TCF7L2: variants seen among roughly 807,000 people sequenced by gnomAD.
TCF7L2 encodes transcription factor 7 like 2.
A neutral mutation model predicts 77.9 loss-of-function variants in TCF7L2; 23 were observed. That is an observed-to-expected ratio of 0.30 (90% confidence interval 0.21 to 0.42). TCF7L2 has a LOEUF of 0.42. TCF7L2 is among the 10% of genes least tolerant of loss of function. The probability of loss-of-function intolerance (pLI) is 1.00; values close to 1 mark genes in which losing one functional copy is unlikely to be tolerated. For synonymous variants in TCF7L2, 413 were observed against 340.2 expected (o/e 1.21, Z -2.36); for missense variants, 654 against 793.1 (o/e 0.82, Z 2.11).
intron 11 of TCF7L2, among the ~76,000 whole-genome samples, chr10:113,156,115 CTTT>C (rs35516476): frequency 1.2e-3 from 149 of 120,700 alleles, no homozygotes; most frequent in African/African-American, 4.0e-3. Flanking sequence ...TTCTTTCTTT[CTTT>C]TTTTTTTTTT....
At chr10:113,115,972 C>G (rs1156716732) in intron 5 of TCF7L2, among the ~76,000 whole-genome samples, 3 of 152,082 alleles carry the variant, frequency 2.0e-5, no homozygotes, top group African/African-American at 7.2e-5. Flanking sequence ...AGCTCCTTAC[C>G]TGTCTTCTAA....
At chr10:113,150,681 A>C (rs141176338) in intron 8 of TCF7L2, among the ~76,000 whole-genome samples, 93 of 152,376 alleles carry the variant, frequency 6.1e-4, no homozygotes, top group Middle Eastern at 3.4e-3. Flanking sequence ...TCAAAAAACA[A>C]GTGGACGTGC....
At chr10:113,040,816 C>G (rs2052313221) in intron 5 of TCF7L2, among the ~76,000 whole-genome samples, 2 of 152,110 alleles carry the variant, frequency 1.3e-5, no homozygotes, top group Non-Finnish European at 2.9e-5. Flanking sequence ...ATAAATTAAC[C>G]TCTTGAGAAG....
chr10:113,082,117 TGTGAGCCACTACCA>T (rs1186500985), intron 5 of TCF7L2, among the ~76,000 whole-genome samples: 1 of 148,680 alleles, frequency 6.7e-6, no homozygotes, highest in African/African-American at 2.5e-5. Flanking sequence ...GGATTATAGG[TGTGAGCCACTACCA>T]TTTTTTTTTT....
chr10:112,998,716 G>T (rs1207137230), intron 4 of TCF7L2, among the ~76,000 whole-genome samples: 1 of 152,206 alleles, frequency 6.6e-6, no homozygotes, highest in Non-Finnish European at 1.5e-5. Flanking sequence ...CTGGACACAG[G>T]CCTGTGTGAC....
intron 5 of TCF7L2, among the ~76,000 whole-genome samples, chr10:113,050,305 C>T (rs2084392348): frequency 6.6e-6 from 1 of 152,132 alleles, no homozygotes; most frequent in Non-Finnish European, 1.5e-5. Flanking sequence ...AAACAGCAAG[C>T]ATTTGAAAAG....
intron 5 of TCF7L2, among the ~76,000 whole-genome samples, chr10:113,096,929 A>G (rs2061041812): frequency 6.6e-6 from 1 of 152,208 alleles, no homozygotes; most frequent in African/African-American, 2.4e-5. Context: ...GACTGACTGC[A>G]GGACATGGGA....
intron 13 of TCF7L2, among the ~76,000 whole-genome samples, chr10:113,164,461 G>C (rs58813683): frequency 1.3e-5 from 2 of 151,944 alleles, no homozygotes; most frequent in Non-Finnish European, 2.9e-5. Context: ...TTCGGTGACC[G>C]GCTTGTGCTG....
At position 113,165,589 on chromosome 10, in the gene TCF7L2, G is replaced by C; in HGVS notation, c.1426G>C (p.Glu476Gln). The C allele has an allele frequency of 6.2e-7, 1 of 1,613,984 alleles. No homozygotes were observed. The highest frequency in any genetic ancestry group is 8.5e-7 in the Non-Finnish European group (1 of 1,179,948). Residue 476 changes from glutamate (E) to glutamine (Q), a missense_variant, in exon 14 of 14, where the codon GAA becomes CAA. Physicochemically the swap from Glu to Gln is conservative, Grantham distance 29. This residue lies in a region of TCF7L2 where 272 missense variants were observed against 215.4 expected (regional missense o/e 1.26). Transcript: ENST00000627217. The stretch of plus-strand genomic sequence containing the variant: ...AAAGTGCGTTCGCTACATACAAGGT[G>C]AAGGCAGCTGCCTCAGCCCACCCTC...
intron 3 of TCF7L2, among the ~76,000 whole-genome samples, chr10:112,963,140 C>T (rs2035729740): frequency 1.3e-5 from 2 of 151,978 alleles, no homozygotes; most frequent in Non-Finnish European, 2.9e-5. Flanking sequence ...TTATTTGGAA[C>T]AGATAAAATG....
chr10:113,023,758 T>C (rs1354818233), intron 4 of TCF7L2, among the ~76,000 whole-genome samples: 1 of 151,976 alleles, frequency 6.6e-6, no homozygotes, highest in Non-Finnish European at 1.5e-5. Context: ...AAGCTCCACC[T>C]CCCGGGTTCA....
chr10:112,963,576 T>G (rs1207019987), intron 3 of TCF7L2, among the ~76,000 whole-genome samples: 1 of 152,234 alleles, frequency 6.6e-6, no homozygotes, highest in East Asian at 1.9e-4. Context: ...ATTTGGCAAA[T>G]TAAAATGCAT....
At chr10:113,119,649 A>G (rs903952916) in intron 5 of TCF7L2, among the ~76,000 whole-genome samples, 1 of 149,592 alleles carries the variant, frequency 6.7e-6, no homozygotes, top group Non-Finnish European at 1.5e-5. Flanking sequence ...GAAACATTTT[A>G]GCCATGGTGT....
rs557458288 is a variant in TCF7L2, at chr10:113,140,414, T to C, written c.553-770T>C. Among the ~76,000 whole-genome samples, 11 of 152,358 alleles carry C rather than the reference T, an allele frequency of 7.2e-5. No homozygotes were observed. The South Asian group carries it at 1.9e-3, about 26-fold the overall frequency. ...ACAAAAATGCCTGTACTTTGTTTTT[T>C]AGAACTGCCCATTTCTAAAATGCAT... On this transcript the variant is annotated intron_variant, in intron 5 of 13. Transcript: ENST00000627217.
chr10:113,059,044 G>T (rs2134802009), intron 5 of TCF7L2, among the ~76,000 whole-genome samples: 1 of 152,252 alleles, frequency 6.6e-6, no homozygotes, highest in East Asian at 1.9e-4. Flanking sequence ...GGGAGTGGGG[G>T]ATAAAAAGAG....
At chr10:113,070,411 T>C (rs1337194112) in intron 5 of TCF7L2, among the ~76,000 whole-genome samples, 1 of 151,972 alleles carries the variant, frequency 6.6e-6, no homozygotes, top group Non-Finnish European at 1.5e-5. Flanking sequence ...AGCTAATAAA[T>C]GTTTGGGGAC....
intron 7 of TCF7L2, 53 bp from the exon 8 acceptor site, chr10:113,145,958 T>TGGGC: frequency 5.2e-6 from 7 of 1,350,208 alleles, no homozygotes; most frequent in Non-Finnish European, 3.1e-6. Flanking sequence ...CTTTTTCTTG[T>TGGGC]CCCCACCCCC....
At chr10:113,130,954 C>CG (rs2066495088) in intron 5 of TCF7L2, among the ~76,000 whole-genome samples, 1 of 151,812 alleles carries the variant, frequency 6.6e-6, no homozygotes, top group Admixed American at 6.6e-5. Context: ...TTAGTAGAGA[C>CG]GGGGTTTCAT....
intron 5 of TCF7L2, among the ~76,000 whole-genome samples, chr10:113,044,366 G>C (rs551520592): frequency 5.3e-5 from 8 of 152,336 alleles, no homozygotes; most frequent in Admixed American, 3.3e-4. Context: ...GAGTTCAGGG[G>C]AACCTACCCA....
Sources: gnomAD v4.1 joint callset for allele counts (sites outside exome capture counted in the v4.1 genomes callset) on GRCh38, gnomAD v4.1.1 for gene constraint, gnomAD v4.1.1 regional missense constraint, MANE v1.5 for transcripts, NCBI Gene and HGNC (gene_info 2026-07-23, HGNC 2026-07-21) for gene names.